PRKN: variants seen among roughly 807,000 people sequenced by gnomAD.
The protein encoded by PRKN is parkin RBR E3 ubiquitin protein ligase.
Under a neutral mutation model 59.5 loss-of-function variants are expected in PRKN, and 56 were observed. The observed-to-expected ratio is 0.94, with a 90% CI of 0.76 to 1.18. The LOEUF (loss-of-function observed/expected upper bound fraction) is 1.18, where lower values mean the gene tolerates loss of function less well. Among genes scored for constraint, PRKN ranks in the 50% most tolerant of loss-of-function variants. PRKN has a pLI of 0.00. For missense variants in PRKN, 657 were observed against 596.4 expected (o/e 1.10, Z -1.06); for synonymous variants, 250 against 222.1 (o/e 1.13, Z -1.12).
chr6:161,757,275 T>C (rs1377909840), intron 7 of PRKN, among the ~76,000 whole-genome samples: 1 of 152,144 alleles, frequency 6.6e-6, no homozygotes, highest in Non-Finnish European at 1.5e-5. Flanking sequence ...TGAAAGACAC[T>C]GTTAAGAAAA....
chr6:162,159,623 G>T lies in PRKN; in HGVS notation c.534+41508C>A, dbSNP rs562084390. Among the ~76,000 whole-genome samples, 17 of 152,164 alleles carry T rather than the reference G, an allele frequency of 1.1e-4. No individual in the cohort carries two copies. The South Asian group carries it at 1.9e-3, about 17-fold the overall frequency. On this transcript the variant is annotated intron_variant, in intron 4 of 11. Coordinates refer to ENST00000366898, the MANE Select transcript of PRKN (RefSeq NM_004562.3). The stretch of plus-strand genomic sequence containing the variant: ...CAAGAAAGTTCTAAATTTCATAAGG[G>T]AATAAAAAGGACCTAAACTAGCCAA...
rs1448825717 is a variant in PRKN at position 161,372,710 on chromosome 6, T to A, written c.1168-12505A>T. Among the ~76,000 whole-genome samples the A allele has an allele frequency of 6.6e-6, 1 of 152,130 alleles. No individual in the cohort carries two copies. Among genetic ancestry groups the A allele is most frequent in the African/African-American group, 2.4e-5 (1 of 41,432 alleles). On this transcript the variant is annotated intron_variant, in intron 10 of 11. Transcript: ENST00000366898. This position sits in a 1 kb window ranked among gnomAD's most constrained non-coding sequence, Gnocchi z 4.2. ...TAGGTCTGGGATTGCGCTCAAGGACTGGCAGTTCAACAAATTCCTAGGTGA... is the reference window on the plus strand; with the variant it reads ...TAGGTCTGGGATTGCGCTCAAGGACAGGCAGTTCAACAAATTCCTAGGTGA...
Position 161,413,278 on chromosome 6 carries a change from A to T in PRKN, c.1084-26401T>A, listed in dbSNP as rs994048108. On this transcript the variant is annotated intron_variant, in intron 9 of 11. Coordinates refer to ENST00000366898, the MANE Select transcript of PRKN (RefSeq NM_004562.3). This position sits in a 1 kb window ranked among gnomAD's most constrained non-coding sequence, Gnocchi z 4.4. ...GAGGGTCTGTAAGACTCCCCGTGAC[A>T]TTCCTGTTCCTTGTTCCACTGCCAG... Among the ~76,000 whole-genome samples, 1 of 152,002 alleles carries T rather than the reference A, an allele frequency of 6.6e-6. No individual in the cohort carries two copies. Among genetic ancestry groups the T allele is most frequent in the African/African-American group, 2.4e-5 (1 of 41,348 alleles).
At chr6:162,197,302 T>A (rs1361685901) in intron 4 of PRKN, among the ~76,000 whole-genome samples, 1 of 152,178 alleles carries the variant, frequency 6.6e-6, no homozygotes, top group Non-Finnish European at 1.5e-5. Context: ...CACAGAAATA[T>A]TATTTGTAGG....
rs1375473121 is a variant in PRKN at position 161,413,188 on chromosome 6, A to G, written c.1084-26311T>C. On this transcript the variant is annotated intron_variant, in intron 9 of 11. Coordinates refer to ENST00000366898, the MANE Select transcript of PRKN (RefSeq NM_004562.3). The surrounding 1 kb of genome is among the most constrained non-coding windows in gnomAD (Gnocchi z 4.4). ...AGGAATGTGCATTTAGGGTCGTGGG[A>G]CCCCTTCCCATTTATTTGTGGAAAC... is the stretch of plus-strand genomic sequence containing the variant. Among the ~76,000 whole-genome samples the G allele has an allele frequency of 6.6e-6, 1 of 151,950 alleles. No individual in the cohort carries two copies. Among genetic ancestry groups the G allele is most frequent in the Non-Finnish European group, 1.5e-5 (1 of 67,998 alleles).
chr6:162,639,749 AT>A (rs200471870), intron 1 of PRKN, among the ~76,000 whole-genome samples: 1,644 of 152,254 alleles, frequency 0.011, 22 homozygotes, highest in African/African-American at 0.038. Flanking sequence ...ATCCTCAAAG[AT>A]TATCTTTAAA....
At chr6:161,929,158 C>A (rs1779075639) in intron 6 of PRKN, among the ~76,000 whole-genome samples, 1 of 151,982 alleles carries the variant, frequency 6.6e-6, no homozygotes, top group South Asian at 2.1e-4. Context: ...TAAAGGATTT[C>A]TATATATGAC....
intron 7 of PRKN, among the ~76,000 whole-genome samples, chr6:161,719,279 A>G (rs1787122251): frequency 6.6e-6 from 1 of 152,000 alleles, no homozygotes; most frequent in South Asian, 2.1e-4. Context: ...AGAAATAAAG[A>G]AAGTAAAGAG....
intron 6 of PRKN, among the ~76,000 whole-genome samples, chr6:161,914,279 A>C (rs983314949): frequency 6.6e-6 from 1 of 152,182 alleles, no homozygotes; most frequent in Non-Finnish European, 1.5e-5. Context: ...AAAGTGAAAA[A>C]AAGAATAAGC....
intron 5 of PRKN, among the ~76,000 whole-genome samples, chr6:162,049,711 T>C (rs886905281): frequency 2.0e-5 from 3 of 152,214 alleles, no homozygotes; most frequent in Non-Finnish European, 2.9e-5. Flanking sequence ...TAACATTGAC[T>C]CAGTGATTTG....
intron 7 of PRKN, among the ~76,000 whole-genome samples, chr6:161,708,935 G>A (rs1786626578): frequency 1.3e-5 from 2 of 152,210 alleles, no homozygotes; most frequent in South Asian, 4.1e-4. Context: ...AACACTTTTA[G>A]TGAAGGAAAG....
chr6:162,703,173 G>A lies in PRKN; in HGVS notation c.7+24489C>T, dbSNP rs184355339. Among the ~76,000 whole-genome samples the A allele has an allele frequency of 4.6e-5, 7 of 152,258 alleles. No homozygotes were observed. In the East Asian group the frequency reaches 1.4e-3, roughly 29 times the overall value. On this transcript the variant is annotated intron_variant, in intron 1 of 11. Transcript: ENST00000366898. Reference sequence around the variant, plus strand: ...GTATTGGACTCCACACTACATAAAAGTGAAAATTAAGCTATTGGATTTAAA... The same window carrying A: ...GTATTGGACTCCACACTACATAAAAATGAAAATTAAGCTATTGGATTTAAA...
At chr6:162,325,267 T>C (rs779657520) in intron 2 of PRKN, among the ~76,000 whole-genome samples, 168 of 152,294 alleles carry the variant, frequency 1.1e-3, no homozygotes, top group Non-Finnish European at 1.8e-3. Flanking sequence ...ACACAAGTTA[T>C]CGATTCTGGG....
chr6:162,387,506 G>A (rs1442324380), intron 2 of PRKN, among the ~76,000 whole-genome samples: 2 of 149,028 alleles, frequency 1.3e-5, no homozygotes, highest in African/African-American at 2.5e-5. Context: ...ATGGTCTAGT[G>A]TTTATTCTTA....
intron 3 of PRKN, among the ~76,000 whole-genome samples, chr6:162,238,128 TC>T (rs1220927694): frequency 6.6e-6 from 1 of 152,222 alleles, no homozygotes; most frequent in Non-Finnish European, 1.5e-5. Flanking sequence ...GTATTTTAAA[TC>T]TATAACATAC....
chr6:161,590,014 C>T (rs2128140556), intron 7 of PRKN, among the ~76,000 whole-genome samples: 1 of 151,410 alleles, frequency 6.6e-6, no homozygotes. Flanking sequence ...GTTTTGAACT[C>T]CTGACCTCAG....
chr6:162,606,148 C>A (rs1046779930), intron 1 of PRKN, among the ~76,000 whole-genome samples: 1 of 152,150 alleles, frequency 6.6e-6, no homozygotes, highest in Non-Finnish European at 1.5e-5. Flanking sequence ...GTAGATTAAC[C>A]ACTCTATCAT....
At chr6:161,902,563 T>A (rs1419282150) in intron 6 of PRKN, among the ~76,000 whole-genome samples, 17 of 135,574 alleles carry the variant, frequency 1.3e-4, no homozygotes, top group East Asian at 6.5e-4. Flanking sequence ...TTTATTTATT[T>A]ATTTTTTTTT....
chr6:161,523,564 G>A (rs142879472), intron 9 of PRKN, among the ~76,000 whole-genome samples: 1,605 of 152,220 alleles, frequency 0.011, 44 homozygotes, highest in African/African-American at 0.037. Flanking sequence ...AACTCAATTG[G>A]TCATTACCAT....
Sources: gnomAD v4.1 joint callset for allele counts (sites outside exome capture counted in the v4.1 genomes callset) on GRCh38, gnomAD v4.1.1 for gene constraint, Gnocchi (gnomAD v3.1) non-coding constraint, MANE v1.5 for transcripts, NCBI Gene and HGNC (gene_info 2026-07-23, HGNC 2026-07-21) for gene names.